PDE10A: variants seen among roughly 807,000 people sequenced by gnomAD.
The protein encoded by PDE10A is phosphodiesterase 10A.
In PDE10A, 39 loss-of-function variants were observed where a neutral mutation model predicts 97.7. The ratio of observed to expected loss-of-function variants is 0.40; its 90% CI spans 0.31 to 0.52. The LOEUF (loss-of-function observed/expected upper bound fraction) is 0.52, where lower values mean the gene tolerates loss of function less well. Among genes scored for constraint, PDE10A ranks in the 20% least tolerant of loss-of-function variants. PDE10A has a pLI of 0.56. For synonymous variants in PDE10A, 371 were observed against 376.8 expected (o/e 0.98, Z 0.18); for missense variants, 731 against 1,047.8 (o/e 0.70, Z 4.17).
At chr6:165,945,885 T>C (rs956531544) in intron 1 of PDE10A, among the ~76,000 whole-genome samples, 12 of 152,166 alleles carry the variant, frequency 7.9e-5, no homozygotes, top group African/African-American at 2.9e-4. Context: ...TTAAACCAAG[T>C]GGGGAAATGT....
chr6:165,924,369 A>G (rs1437763197), intron 1 of PDE10A, among the ~76,000 whole-genome samples: 1 of 151,958 alleles, frequency 6.6e-6, no homozygotes, highest in African/African-American at 2.4e-5. Flanking sequence ...CATGGTTCCT[A>G]TGTTGGATGG....
intron 13 of PDE10A, among the ~76,000 whole-genome samples, chr6:165,411,162 T>C (rs901457659): frequency 6.8e-6 from 1 of 146,326 alleles, no homozygotes; most frequent in Non-Finnish European, 1.5e-5. Flanking sequence ...ACCCAGGTCA[T>C]GAGAGACAAC....
At chr6:165,867,329 A>G (rs1781084636) in intron 1 of PDE10A, among the ~76,000 whole-genome samples, 1 of 152,006 alleles carries the variant, frequency 6.6e-6, no homozygotes, top group South Asian at 2.1e-4. Context: ...GGATGGAAAA[A>G]AAAAATCCAC....
intron 1 of PDE10A, among the ~76,000 whole-genome samples, chr6:165,626,635 AAAG>A (rs1373685703): frequency 6.6e-6 from 1 of 152,200 alleles, no homozygotes; most frequent in Non-Finnish European, 1.5e-5. Flanking sequence ...ATGTGTTAGG[AAAG>A]AAGACTTTCT....
At chr6:165,920,501 C>A (rs1483286248) in intron 1 of PDE10A, among the ~76,000 whole-genome samples, 1 of 151,910 alleles carries the variant, frequency 6.6e-6, no homozygotes, top group African/African-American at 2.4e-5. Context: ...GGCATAAATA[C>A]TTTGAGTGAC....
chr6:165,653,845 A>G lies in PDE10A; in HGVS notation c.865+8102T>C, dbSNP rs966042062. Among the ~76,000 whole-genome samples the G allele has an allele frequency of 2.6e-5, 4 of 152,148 alleles. No homozygotes were observed. The South Asian group carries it at 6.2e-4, about 24-fold the overall frequency. ...AAGCTGGACTCAGTGCGTAAGGAAG[A>G]CCTGATCCACCGTGCCAGCTTTCTC... On this transcript the variant is annotated intron_variant, in intron 1 of 21. Coordinates refer to ENST00000539869, the MANE Select transcript of PDE10A (RefSeq NM_001385079.1).
intron 13 of PDE10A, among the ~76,000 whole-genome samples, chr6:165,397,290 A>C (rs916927559): frequency 6.6e-6 from 1 of 152,228 alleles, no homozygotes; most frequent in Non-Finnish European, 1.5e-5. Flanking sequence ...GAACTGTCTA[A>C]AGTAAATTAA....
chr6:165,902,836 G>A (rs1251649730), intron 1 of PDE10A, among the ~76,000 whole-genome samples: 1 of 152,246 alleles, frequency 6.6e-6, no homozygotes, highest in East Asian at 1.9e-4. Context: ...TGAGTCCCTG[G>A]AGAAGGCAAG....
intron 1 of PDE10A, among the ~76,000 whole-genome samples, chr6:165,981,549 A>G (rs898447880): frequency 3.3e-5 from 5 of 152,192 alleles, no homozygotes; most frequent in African/African-American, 1.2e-4. Context: ...AAGATGAGTG[A>G]GGACTGAGGC....
intron 1 of PDE10A, among the ~76,000 whole-genome samples, chr6:165,688,190 G>A (rs1234384444): frequency 6.6e-6 from 1 of 152,070 alleles, no homozygotes; most frequent in Admixed American, 6.5e-5. Flanking sequence ...TAATGATACA[G>A]TTTAAAAAAT....
intron 6 of PDE10A, among the ~76,000 whole-genome samples, chr6:165,433,407 AAAGT>A (rs146458738): frequency 0.026 from 4,018 of 152,294 alleles, 180 homozygotes; most frequent in African/African-American, 0.089. Flanking sequence ...GACAATAAAA[AAAGT>A]AATCATAAAT....
intron 1 of PDE10A, among the ~76,000 whole-genome samples, chr6:165,958,281 G>T (rs1784201342): frequency 6.6e-6 from 1 of 151,952 alleles, no homozygotes; most frequent in South Asian, 2.1e-4. Context: ...GTGCCCAGGA[G>T]CAAAATACAA....
chr6:165,864,158 G>A (rs1216818745), intron 1 of PDE10A, among the ~76,000 whole-genome samples: 1 of 135,822 alleles, frequency 7.4e-6, no homozygotes, highest in Non-Finnish European at 1.6e-5. Context: ...CTAAACAGCA[G>A]CCAGCCAGAT....
chr6:165,504,788 T>C (rs978567440), intron 2 of PDE10A, among the ~76,000 whole-genome samples: 1 of 152,242 alleles, frequency 6.6e-6, no homozygotes, highest in Non-Finnish European at 1.5e-5. Flanking sequence ...GATATCATAA[T>C]TGGCTTAACA....
chr6:165,548,512 G>A, intron 1 of PDE10A, among the ~76,000 whole-genome samples: 1 of 151,890 alleles, frequency 6.6e-6, no homozygotes, highest in East Asian at 1.9e-4. Context: ...TATCCCTGTG[G>A]GGTTTAGCAT....
chr6:165,772,505 T>A (rs1215611531), intron 1 of PDE10A, among the ~76,000 whole-genome samples: 1 of 152,154 alleles, frequency 6.6e-6, no homozygotes, highest in African/African-American at 2.4e-5. Context: ...CTCTCCTGTG[T>A]CCAGGGCCCG....
chr6:165,730,020 T>C (rs377571699), intron 1 of PDE10A, among the ~76,000 whole-genome samples: 1 of 152,156 alleles, frequency 6.6e-6, no homozygotes, highest in Non-Finnish European at 1.5e-5. Context: ...GAAAAAGATA[T>C]ACAAGAGATA....
intron 1 of PDE10A, among the ~76,000 whole-genome samples, chr6:165,979,186 T>A (rs1320736616): frequency 1.3e-5 from 2 of 152,158 alleles, no homozygotes; most frequent in African/African-American, 2.4e-5. Context: ...GGGCCTGCTG[T>A]GGTTGGGAGC....
Position 165,661,646 on chromosome 6 carries a change from G to T in PDE10A, c.865+301C>A. 1 of 379,334 alleles carries T rather than the reference G, an allele frequency of 2.6e-6. No individual in the cohort carries two copies. Among genetic ancestry groups the T allele is most frequent in the Non-Finnish European group, 4.7e-6 (1 of 213,886 alleles). The allele number at this position is 379,334 out of a possible 1,614,324, so 23.5% of individuals were successfully genotyped here. A position where few individuals can be genotyped will look rare whatever the true frequency, so the allele number is the denominator to read the frequency against. On this transcript the variant is annotated intron_variant, in intron 1 of 21. Transcript: ENST00000539869. This position sits in a 1 kb window ranked among gnomAD's most constrained non-coding sequence, Gnocchi z 4.8. ...TGTGGCCAGAAACGGCACGAGGGGC[G>T]GAGAAGGAGGCGGCAGGTCCCGCTC...
Sources: allele counts gnomAD v4.1 joint callset (sites outside exome capture counted in the v4.1 genomes callset), GRCh38; gene constraint gnomAD v4.1.1; non-coding constraint Gnocchi (gnomAD v3.1); transcripts MANE v1.5; gene names NCBI Gene and HGNC (gene_info 2026-07-23, HGNC 2026-07-21).